The following C9 variants were observed in gnomAD, a reference collection of about 807,000 sequenced individuals.
The protein encoded by C9 is complement component C9.
C9 carries 63 observed loss-of-function variants against 65.4 expected under a neutral mutation model. That is an observed-to-expected ratio of 0.96 (90% CI 0.79 to 1.19). The LOEUF (loss-of-function observed/expected upper bound fraction) is 1.19, where lower values mean the gene tolerates loss of function less well. Ranked by LOEUF, C9 falls within the 50% of genes most tolerant of loss-of-function variation. C9 has a pLI of 0.00. For synonymous variants in C9, 229 were observed against 227.9 expected, an observed-to-expected ratio of 1.00 and a Z score of -0.04; for missense variants, 744 against 670.1, an observed-to-expected ratio of 1.11 and a Z score of -1.22.
chr5:39,293,378 T>C (rs981551371), intron 9 of C9, among the ~76,000 whole-genome samples: 4 of 151,864 alleles, frequency 2.6e-5, no homozygotes, highest in African/African-American at 9.7e-5. Flanking sequence ...AGATATTTCA[T>C]GCAAAGGTAA....
intron 9 of C9, among the ~76,000 whole-genome samples, chr5:39,298,394 C>T (rs181587123): frequency 1.3e-5 from 2 of 150,964 alleles, no homozygotes; most frequent in Admixed American, 1.3e-4. Flanking sequence ...AATGATAAAC[C>T]TCTACCAGAT....
chr5:39,310,837 C>T (rs1401852859), intron 7 of C9, among the ~76,000 whole-genome samples: 1 of 152,034 alleles, frequency 6.6e-6, no homozygotes, highest in Non-Finnish European at 1.5e-5. Flanking sequence ...TTTCTTTCAC[C>T]TTTTGTTTAG....
intron 5 of C9, among the ~76,000 whole-genome samples, chr5:39,320,316 A>C (rs1753644446): frequency 6.6e-6 from 1 of 152,168 alleles, no homozygotes; most frequent in African/African-American, 2.4e-5. Flanking sequence ...AGAGAGAAAG[A>C]AAGCATAAAA....
At chr5:39,305,283 G>C (rs1753354193) in intron 9 of C9, among the ~76,000 whole-genome samples, 2 of 151,814 alleles carry the variant, frequency 1.3e-5, no homozygotes, top group Admixed American at 1.3e-4. Flanking sequence ...TAAATACATT[G>C]CATATCTATG....
At chr5:39,342,746 C>T (rs148544079) in intron 1 of C9, among the ~76,000 whole-genome samples, 2 of 152,262 alleles carry the variant, frequency 1.3e-5, no homozygotes, top group Admixed American at 1.3e-4. Context: ...TGCCTTGCCA[C>T]TTCACACTTC....
rs147330308 is a variant in C9 at position 39,296,378 on chromosome 5, C to T, written c.1417-7427G>A. ...ACAAATGATCTGAAGAGCCATTTTG[C>T]AAAAGAACACACATAAAAGGCCAAA... On this transcript the variant is annotated intron_variant, in intron 9 of 10. Coordinates refer to ENST00000263408, the MANE Select transcript of C9 (RefSeq NM_001737.5). 3.0e-3 allele frequency among the ~76,000 whole-genome samples: 458 copies of T among 151,340 alleles called. 3 individuals are homozygous for T. Among genetic ancestry groups the T allele is most frequent in the Non-Finnish European group, 4.5e-3 (304 of 67,546 alleles).
chr5:39,346,680 C>T (rs899044303), intron 1 of C9, among the ~76,000 whole-genome samples: 2 of 152,208 alleles, frequency 1.3e-5, no homozygotes, highest in African/African-American at 4.8e-5. Flanking sequence ...ATGAGGCCAG[C>T]ATCATCCTGA....
chr5:39,340,036 T>C (rs1754046376), intron 4 of C9, among the ~76,000 whole-genome samples: 1 of 152,132 alleles, frequency 6.6e-6, no homozygotes, highest in East Asian at 1.9e-4. Context: ...GCTCTTACCA[T>C]CACCCCTGTC....
At chr5:39,345,999 T>C (rs948086722) in intron 1 of C9, among the ~76,000 whole-genome samples, 6 of 152,208 alleles carry the variant, frequency 3.9e-5, no homozygotes, top group Non-Finnish European at 7.3e-5. Context: ...CATACCAGAA[T>C]GTCTGGGACA....
chr5:39,328,576 G>A (rs1312212750), intron 5 of C9, among the ~76,000 whole-genome samples: 1 of 152,184 alleles, frequency 6.6e-6, no homozygotes, highest in Non-Finnish European at 1.5e-5. Flanking sequence ...TGGAAACAAG[G>A]ACATTGCTAA....
chr5:39,334,014 A>G (rs1009562297), intron 4 of C9, among the ~76,000 whole-genome samples: 2 of 152,076 alleles, frequency 1.3e-5, no homozygotes, highest in African/African-American at 4.8e-5. Flanking sequence ...CCGAGATTGC[A>G]GCCTCTGCCC....
intron 5 of C9, among the ~76,000 whole-genome samples, chr5:39,317,375 G>T (rs1424231015): frequency 1.3e-5 from 2 of 152,054 alleles, no homozygotes; most frequent in Non-Finnish European, 2.9e-5. Flanking sequence ...GTCAATTTTT[G>T]TTTTTGTTGC....
intron 4 of C9, among the ~76,000 whole-genome samples, chr5:39,334,698 C>G (rs563176426): frequency 0.011 from 1,505 of 137,476 alleles, 33 homozygotes; most frequent in African/African-American, 0.04. Context: ...GGAGGTGGGG[C>G]GGTCAGCCCC....
At chr5:39,320,369 G>T (rs1047202749) in intron 5 of C9, among the ~76,000 whole-genome samples, 4 of 152,060 alleles carry the variant, frequency 2.6e-5, no homozygotes, top group Admixed American at 6.6e-5. Context: ...AACATAATTA[G>T]GGAGTTAAAG....
At chr5:39,299,685 A>C (rs927216130) in intron 9 of C9, among the ~76,000 whole-genome samples, 2 of 152,118 alleles carry the variant, frequency 1.3e-5, no homozygotes, top group Non-Finnish European at 2.9e-5. Context: ...GAGTTGATTG[A>C]AAATGGACAT....
intron 6 of C9, 102 bp downstream of exon 6, chr5:39,315,673 A>G (rs1192616371): frequency 3.5e-6 from 3 of 863,502 alleles, no homozygotes; most frequent in African/African-American, 1.7e-5. Context: ...AATTTGATCC[A>G]TGTTTCTTTT....
In C9 at chr5:39,316,317, A is replaced by G. The variant is rs377401987; in HGVS notation, c.616-288T>C. Among the ~76,000 whole-genome samples the G allele has an allele frequency of 4.1e-4, 62 of 152,326 alleles. 1 individual carries two copies. The South Asian group carries it at 0.011, about 27-fold the overall frequency. On this transcript the variant is annotated intron_variant, in intron 5 of 10. Coordinates refer to ENST00000263408, the MANE Select transcript of C9 (RefSeq NM_001737.5). Reference sequence around the variant, plus strand: ...TTATAAAAATTCAGTGAGATAATGCATACGAAGGACTTATAGTATAGCAAA... The same window carrying G: ...TTATAAAAATTCAGTGAGATAATGCGTACGAAGGACTTATAGTATAGCAAA...
intron 4 of C9, among the ~76,000 whole-genome samples, chr5:39,333,273 CT>C (rs1753878094): frequency 1.3e-5 from 2 of 152,192 alleles, no homozygotes; most frequent in Non-Finnish European, 2.9e-5. Context: ...ACTTCCCTCC[CT>C]AGTGGCTTTG....
chr5:39,363,062 C>A (rs558228912), intron 1 of C9, among the ~76,000 whole-genome samples: 6 of 152,140 alleles, frequency 3.9e-5, no homozygotes, highest in Admixed American at 1.3e-4. Context: ...GCAGGAGCTG[C>A]AATCTAGGAA....
Sources: allele counts gnomAD v4.1 joint callset (sites outside exome capture counted in the v4.1 genomes callset), GRCh38; gene constraint gnomAD v4.1.1; transcripts MANE v1.5; gene names NCBI Gene and HGNC (gene_info 2026-07-23, HGNC 2026-07-21).